ASTN1: variants seen among roughly 807,000 people sequenced by gnomAD.
ASTN1 encodes the protein astrotactin 1.
A neutral mutation model predicts 140.7 loss-of-function variants in ASTN1; 41 were observed. That is an observed-to-expected ratio of 0.29 (90% CI 0.23 to 0.38). The LOEUF is 0.38. ASTN1 is among the 10% of genes least tolerant of loss of function. The pLI is 1.00. For missense variants in ASTN1, 1,479 were observed against 1,678.8 expected (o/e 0.88, Z 2.08); for synonymous variants, 640 against 652.2 (o/e 0.98, Z 0.29).
At chr1:177,159,204 G>C (rs913017099) in intron 1 of ASTN1, among the ~76,000 whole-genome samples, 9 of 151,468 alleles carry the variant, frequency 5.9e-5, no homozygotes, top group Non-Finnish European at 2.9e-5. Context: ...TAATTCCTTT[G>C]TTGTAAAAAT....
At chr1:177,021,092 C>T (rs1675797469) in intron 7 of ASTN1, among the ~76,000 whole-genome samples, 1 of 152,246 alleles carries the variant, frequency 6.6e-6, no homozygotes, top group African/African-American at 2.4e-5. Flanking sequence ...AAGTTTCTTA[C>T]TGATGAGCAT....
In ASTN1 at chr1:176,980,152, G is replaced by A. The variant is rs182607932; in HGVS notation, c.1524-14915C>T. Among the ~76,000 whole-genome samples, 27 of 152,206 alleles carry A rather than the reference G, an allele frequency of 1.8e-4. No homozygotes were observed. In the South Asian group the frequency reaches 1.9e-3, roughly 11 times the overall value. On this transcript the variant is annotated intron_variant, in intron 8 of 22. Transcript: ENST00000361833. ...GGGCAAAGATTGGAGAAATTGAGGAGTTGAAACAACAATTTAGGGTGGAGA... is the reference window on the plus strand; with the variant it reads ...GGGCAAAGATTGGAGAAATTGAGGAATTGAAACAACAATTTAGGGTGGAGA...
intron 16 of ASTN1, among the ~76,000 whole-genome samples, chr1:176,916,203 G>A (rs1670472870): frequency 6.6e-6 from 1 of 152,132 alleles, no homozygotes; most frequent in African/African-American, 2.4e-5. Flanking sequence ...CTTCTCCTTG[G>A]GGTCATGGTC....
At chr1:176,868,611 G>A (rs1164998912) in intron 22 of ASTN1, among the ~76,000 whole-genome samples, 4 of 152,184 alleles carry the variant, frequency 2.6e-5, no homozygotes, top group Admixed American at 2.0e-4. Flanking sequence ...AATAGGTCAA[G>A]AGCAAAATTT....
intron 1 of ASTN1, among the ~76,000 whole-genome samples, chr1:177,083,874 A>T (rs369754218): frequency 1.3e-5 from 2 of 152,298 alleles, no homozygotes; most frequent in African/African-American, 4.8e-5. Flanking sequence ...CCTTTCAGAG[A>T]GAGTCAGAGG....
At chr1:177,150,892 T>C (rs1683003064) in intron 1 of ASTN1, among the ~76,000 whole-genome samples, 1 of 152,176 alleles carries the variant, frequency 6.6e-6, no homozygotes, top group South Asian at 2.1e-4. Context: ...CCTCCCAGTA[T>C]AAGACATATT....
At chr1:177,128,646 C>G (rs531230233) in intron 1 of ASTN1, among the ~76,000 whole-genome samples, 6 of 152,092 alleles carry the variant, frequency 3.9e-5, no homozygotes, top group African/African-American at 1.5e-4. Context: ...ATCACTCTTC[C>G]CTTTTTTCTG....
chr1:177,110,489 C>G (rs1402294162), intron 1 of ASTN1, among the ~76,000 whole-genome samples: 2 of 152,114 alleles, frequency 1.3e-5, no homozygotes, highest in Non-Finnish European at 2.9e-5. Context: ...ACAAACCTGT[C>G]TTTTCCAGCG....
At chr1:176,919,080 C>T (rs1453448318) in intron 16 of ASTN1, among the ~76,000 whole-genome samples, 1 of 152,238 alleles carries the variant, frequency 6.6e-6, no homozygotes, top group African/African-American at 2.4e-5. Flanking sequence ...TCATTACCCT[C>T]ATAGCCCATC....
chr1:176,963,616 G>A (rs898927267), intron 9 of ASTN1, among the ~76,000 whole-genome samples: 1 of 152,164 alleles, frequency 6.6e-6, no homozygotes, highest in African/African-American at 2.4e-5. Context: ...GGTGCTTGTG[G>A]GGATAGAAAC....
At chr1:176,887,991 C>T (rs1669107622) in intron 18 of ASTN1, 80 bp downstream of exon 18, 13 of 1,582,820 alleles carry the variant, frequency 8.2e-6, no homozygotes, top group Non-Finnish European at 1.1e-5. Context: ...TTTCCCAGTA[C>T]CCAGCCTATT....
At chr1:176,915,278 C>T (rs1346970085) in intron 16 of ASTN1, among the ~76,000 whole-genome samples, 1 of 152,146 alleles carries the variant, frequency 6.6e-6, no homozygotes, top group African/African-American at 2.4e-5. Flanking sequence ...CCTTATGACT[C>T]TTAGTCCTTA....
At chr1:177,008,509 G>GAGAGGGAGACAGGAAGAGAA (rs1675112802) in intron 8 of ASTN1, among the ~76,000 whole-genome samples, 1 of 150,274 alleles carries the variant, frequency 6.7e-6, no homozygotes, top group Admixed American at 6.6e-5. Flanking sequence ...CAGGAAGAGA[G>GAGAGGGAGACAGGAAGAGAA]AGCGGGAGAT....
chr1:176,911,388 G>GT (rs1553226208), intron 16 of ASTN1, among the ~76,000 whole-genome samples: 3 of 152,100 alleles, frequency 2.0e-5, no homozygotes, highest in Non-Finnish European at 4.4e-5. Context: ...CTTACTATAA[G>GT]TTTTTTACTT....
chr1:176,865,245 A>G (rs142457561), intron 22 of ASTN1, among the ~76,000 whole-genome samples: 2 of 152,314 alleles, frequency 1.3e-5, no homozygotes, highest in East Asian at 1.9e-4. Flanking sequence ...GCCATTGCAG[A>G]TTCCTGAGAG....
intron 8 of ASTN1, among the ~76,000 whole-genome samples, chr1:176,990,510 T>G (rs1571614342): frequency 1.4e-5 from 2 of 141,562 alleles, no homozygotes; most frequent in African/African-American, 2.7e-5. Context: ...CAAGAACGAG[T>G]GTGAGGCAGT....
At chr1:177,037,431 T>C (rs1468760926) in intron 2 of ASTN1, among the ~76,000 whole-genome samples, 1 of 152,214 alleles carries the variant, frequency 6.6e-6, no homozygotes, top group Non-Finnish European at 1.5e-5. Flanking sequence ...AATGGGCAGT[T>C]ATCACACACA....
intron 2 of ASTN1, among the ~76,000 whole-genome samples, chr1:177,042,449 C>T (rs940729537): frequency 1.1e-4 from 17 of 152,198 alleles, no homozygotes; most frequent in Admixed American, 7.9e-4. Context: ...AAGCATTTCT[C>T]ACCTTCCTAC....
At chr1:177,056,439 T>C (rs1269936857) in intron 2 of ASTN1, among the ~76,000 whole-genome samples, 1 of 152,090 alleles carries the variant, frequency 6.6e-6, no homozygotes, top group Admixed American at 6.6e-5. Context: ...GGCCTCCAGA[T>C]ACTGGCCAAG....
Sources: gnomAD v4.1 joint callset for allele counts (sites outside exome capture counted in the v4.1 genomes callset) on GRCh38, gnomAD v4.1.1 for gene constraint, MANE v1.5 for transcripts, NCBI Gene and HGNC (gene_info 2026-07-23, HGNC 2026-07-21) for gene names.